The following GLI3 variants were observed in gnomAD, a reference collection of about 807,000 sequenced individuals.
GLI3 encodes the protein transcription activator GLI3.
GLI3 carries 20 observed loss-of-function variants against 100.8 expected under a neutral mutation model. The ratio of observed to expected loss-of-function variants is 0.20; its 90% CI spans 0.14 to 0.29. The LOEUF (loss-of-function observed/expected upper bound fraction) is 0.29, where lower values mean the gene tolerates loss of function less well. Among genes scored for constraint, GLI3 ranks in the 10% least tolerant of loss-of-function variants. The pLI, the probability that GLI3 is intolerant of heterozygous loss-of-function variation, is 1.00. For synonymous variants in GLI3, 938 were observed against 860.5 expected (o/e 1.09, Z -1.58); for missense variants, 2,040 against 2,128.5 (o/e 0.96, Z 0.82).
intron 9 of GLI3, among the ~76,000 whole-genome samples, chr7:42,024,833 G>GA (rs1319003865): frequency 1.3e-5 from 2 of 152,102 alleles, no homozygotes; most frequent in African/African-American, 4.8e-5. Flanking sequence ...AGCAAAATAA[G>GA]AAAAAATGAT....
intron 10 of GLI3, among the ~76,000 whole-genome samples, chr7:42,020,473 T>C (rs1019244727): frequency 6.6e-6 from 1 of 152,092 alleles, no homozygotes; most frequent in Non-Finnish European, 1.5e-5. Flanking sequence ...AGACACTAGA[T>C]AGACAACCAT....
At chr7:42,167,767 C>G (rs536167054) in intron 2 of GLI3, among the ~76,000 whole-genome samples, 1 of 152,184 alleles carries the variant, frequency 6.6e-6, no homozygotes, top group African/African-American at 2.4e-5. Context: ...TATGGCAGAA[C>G]TTCAAAACTC....
chr7:42,127,700 A>G (rs553397224), intron 3 of GLI3, among the ~76,000 whole-genome samples: 2 of 152,370 alleles, frequency 1.3e-5, no homozygotes, highest in African/African-American at 4.8e-5. Context: ...AGGCATTAAA[A>G]TGAACCATGT....
At chr7:42,029,136 C>G (rs914382490) in intron 7 of GLI3, among the ~76,000 whole-genome samples, 1 of 152,238 alleles carries the variant, frequency 6.6e-6, no homozygotes, top group African/African-American at 2.4e-5. Flanking sequence ...TCCTCGTGCA[C>G]AGACCTGGGC....
intron 2 of GLI3, among the ~76,000 whole-genome samples, chr7:42,192,474 G>T (rs574485771): frequency 1.3e-5 from 2 of 152,172 alleles, no homozygotes; most frequent in East Asian, 1.9e-4. Context: ...CAAAAGAAAA[G>T]ATGCTAAAAT....
intron 2 of GLI3, among the ~76,000 whole-genome samples, chr7:42,213,553 T>C (rs1788312544): frequency 6.6e-6 from 1 of 152,226 alleles, no homozygotes; most frequent in South Asian, 2.1e-4. Flanking sequence ...TTATGAAAGA[T>C]GATCCTAGCT....
rs745809543 is a variant in GLI3, at chr7:42,025,274, C to T, written c.1346G>A (p.Arg449Gln). The change falls in exon 9 of 15, where the codon CGG (arginine) becomes CAG (glutamine). Residue 449 changes from arginine to glutamine, a missense_variant. By Grantham distance (43) the Arg-to-Gln change is conservative. This residue lies in a region of GLI3 where 603 missense variants were observed against 690.9 expected (regional missense o/e 0.87). Transcript: ENST00000395925. ...GCCTCGGTGTCCTACCTGCTGCCCC[C>T]GAGCCCCTGGGCTGGGGAGGTCTTC... ...PDEDLPSPGA[R>Q]GQQEQPEGTT... 74 of 1,612,054 alleles carry T rather than the reference C, an allele frequency of 4.6e-5. No individual in the cohort carries two copies. Among genetic ancestry groups the T allele is most frequent in the Non-Finnish European group, 5.1e-5 (60 of 1,178,344 alleles).
intron 3 of GLI3, chr7:42,113,384 AG>A (rs748608113): frequency 5.5e-5 from 38 of 693,424 alleles, no homozygotes; most frequent in Non-Finnish European, 7.7e-5. Flanking sequence ...AGAAAGGCTG[AG>A]GGGGATGCTG....
At chr7:42,044,223 A>T (rs1471476291) in intron 6 of GLI3, among the ~76,000 whole-genome samples, 1 of 152,250 alleles carries the variant, frequency 6.6e-6, no homozygotes, top group Non-Finnish European at 1.5e-5. Flanking sequence ...GGAAAAGTGT[A>T]AGTTAATTGC....
intron 2 of GLI3, among the ~76,000 whole-genome samples, chr7:42,194,111 A>G (rs1016549010): frequency 1.3e-5 from 2 of 152,154 alleles, no homozygotes. Context: ...CCTTGCCCCT[A>G]TTCCCAGCCC....
intron 2 of GLI3, among the ~76,000 whole-genome samples, chr7:42,220,094 C>T (rs1035448020): frequency 1.5e-4 from 23 of 151,964 alleles, no homozygotes; most frequent in African/African-American, 9.7e-5. Context: ...CCTGGTGATC[C>T]GCCCGCCTCG....
At chr7:42,019,370 A>T (rs1788868578) in intron 10 of GLI3, among the ~76,000 whole-genome samples, 1 of 152,204 alleles carries the variant, frequency 6.6e-6, no homozygotes. Context: ...CATATTTCAG[A>T]CACCTCAAAC....
intron 3 of GLI3, among the ~76,000 whole-genome samples, chr7:42,112,664 C>A (rs1016609916): frequency 1.3e-5 from 2 of 152,070 alleles, no homozygotes; most frequent in African/African-American, 2.4e-5. Context: ...ACTTCTAATC[C>A]CAACCAACAT....
intron 3 of GLI3, among the ~76,000 whole-genome samples, chr7:42,128,364 A>T (rs1786187797): frequency 6.6e-6 from 1 of 152,224 alleles, no homozygotes; most frequent in African/African-American, 2.4e-5. Context: ...TGGTTAAAAA[A>T]AAATAAAAAG....
At chr7:41,988,067 T>A (rs950970532) in intron 10 of GLI3, among the ~76,000 whole-genome samples, 11 of 152,202 alleles carry the variant, frequency 7.2e-5, no homozygotes, top group African/African-American at 2.4e-4. Context: ...AAAGGAAACA[T>A]CCTCATTCTT....
At chr7:42,028,770 A>AAAT (rs147616149) in intron 7 of GLI3, among the ~76,000 whole-genome samples, 1,670 of 146,032 alleles carry the variant, frequency 0.011, 16 homozygotes, top group South Asian at 0.032. Flanking sequence ...TCTCAAAAAT[A>AAAT]AATAATAATA....
chr7:42,201,866 A>G (rs113938141), intron 2 of GLI3, among the ~76,000 whole-genome samples: 7,140 of 152,104 alleles, frequency 0.047, 210 homozygotes, highest in Non-Finnish European at 0.066. Context: ...GGCAGATCAC[A>G]AGGTCAGGAG....
chr7:42,107,332 A>AAAAC (rs765355796), intron 3 of GLI3, among the ~76,000 whole-genome samples: 2 of 152,132 alleles, frequency 1.3e-5, no homozygotes, highest in African/African-American at 4.8e-5. Flanking sequence ...TCTCAAAGGG[A>AAAAC]AAACAAACAA....
At chr7:42,020,853 G>A (rs1209747718) in intron 10 of GLI3, among the ~76,000 whole-genome samples, 1 of 143,280 alleles carries the variant, frequency 7.0e-6, no homozygotes, top group Non-Finnish European at 1.5e-5. Flanking sequence ...TCGCGCCACT[G>A]CACTCCAGCC....
Sources: allele counts gnomAD v4.1 joint callset (sites outside exome capture counted in the v4.1 genomes callset), GRCh38; gene constraint gnomAD v4.1.1; regional missense constraint gnomAD v4.1.1; transcripts MANE v1.5; gene names NCBI Gene and HGNC (gene_info 2026-07-23, HGNC 2026-07-21).